The following POC1B variants were observed in gnomAD, a reference collection of about 807,000 sequenced individuals.
The protein encoded by POC1B is POC1 centriolar protein homolog B.
In POC1B, 44 loss-of-function variants were observed where a neutral mutation model predicts 60.6. That is an observed-to-expected ratio of 0.73 (90% CI 0.57 to 0.93). The LOEUF (loss-of-function observed/expected upper bound fraction) is 0.93, where lower values mean the gene tolerates loss of function less well. POC1B is among the 40% of genes least tolerant of loss of function. POC1B has a pLI of 0.00. For synonymous variants in POC1B, 180 were observed against 198.9 expected (o/e 0.90, Z 0.80); for missense variants, 555 against 572.3 (o/e 0.97, Z 0.31).
At chr12:89,486,406 C>T (rs894757598) in intron 4 of POC1B, among the ~76,000 whole-genome samples, 12 of 152,040 alleles carry the variant, frequency 7.9e-5, no homozygotes, top group Admixed American at 2.0e-4. Flanking sequence ...GGGGGCGTCC[C>T]AGCATGGAAA....
chr12:89,523,732 G>C, intron 2 of POC1B: 1 of 1,547,962 alleles, frequency 6.5e-7, no homozygotes, highest in Non-Finnish European at 8.7e-7. Context: ...ACCAATCATG[G>C]GCTCCCCTAT....
chr12:89,491,624 C>CAA (rs1277603995), intron 4 of POC1B, among the ~76,000 whole-genome samples: 2 of 54,462 alleles, frequency 3.7e-5, no homozygotes, highest in South Asian at 6.2e-4. Flanking sequence ...GACCGTGTCT[C>CAA]AAAAAAAAAA....
At chr12:89,431,819 T>G (rs1208673494) in intron 10 of POC1B, among the ~76,000 whole-genome samples, 1 of 152,234 alleles carries the variant, frequency 6.6e-6, no homozygotes, top group Admixed American at 6.5e-5. Context: ...CTTATAGTTT[T>G]GGAGATTGCA....
intron 3 of POC1B, among the ~76,000 whole-genome samples, chr12:89,492,438 A>T (rs1869032414): frequency 6.6e-6 from 1 of 152,204 alleles, no homozygotes; most frequent in African/African-American, 2.4e-5. Context: ...TTACAAGGTG[A>T]TATGTGATAA....
the POC1B span, among the ~76,000 whole-genome samples, chr12:89,409,947 T>A: frequency 6.6e-6 from 1 of 152,192 alleles, no homozygotes. Context: ...CCTCCCTATC[T>A]CATTTTATGA....
At chr12:89,500,346 C>G (rs1869491239) in intron 2 of POC1B, 1 of 1,508,112 alleles carries the variant, frequency 6.6e-7, no homozygotes, top group South Asian at 1.1e-5. Flanking sequence ...CATCCAAAGT[C>G]AGTTCCACTT....
chr12:89,463,134 G>A (rs1386037923), intron 9 of POC1B, among the ~76,000 whole-genome samples: 1 of 152,014 alleles, frequency 6.6e-6, no homozygotes, highest in Non-Finnish European at 1.5e-5. Context: ...ATTTGGTTAA[G>A]GTAAAGGACA....
At chr12:89,508,197 T>C (rs1295678547) in intron 2 of POC1B, among the ~76,000 whole-genome samples, 1 of 152,270 alleles carries the variant, frequency 6.6e-6, no homozygotes, top group Non-Finnish European at 1.5e-5. Flanking sequence ...TTTGCCTCTC[T>C]ATCTTGCTTC....
chr12:89,452,030 GC>G (rs1284408262), intron 10 of POC1B, among the ~76,000 whole-genome samples: 1 of 152,180 alleles, frequency 6.6e-6, no homozygotes, highest in East Asian at 1.9e-4. Flanking sequence ...TGTGTGAAAA[GC>G]TCACTGCTGT....
In POC1B at chr12:89,471,801, CTT is replaced by C. The variant is rs1219347317; in HGVS notation, c.561-74_561-73del. On this transcript the variant is annotated intron_variant, in intron 5 of 11. Transcript: ENST00000313546. Reference sequence around the variant, plus strand: ...TTTTTTTTTGAGACGGAATCTCACTCTTGTCACCCAGGCTGGAGTGCAGTGGC... The same window carrying C: ...TTTTTTTTTGAGACGGAATCTCACTCGTCACCCAGGCTGGAGTGCAGTGGC... The C allele has an allele frequency of 4.9e-5, 46 of 935,658 alleles. No homozygotes were observed. The South Asian group carries it at 6.5e-4, about 13-fold the overall frequency. The allele number at this position is 935,658 out of a possible 1,614,324, so 58.0% of individuals were successfully genotyped here.
chr12:89,436,858 G>T (rs527451683), intron 10 of POC1B, among the ~76,000 whole-genome samples: 1 of 152,200 alleles, frequency 6.6e-6, no homozygotes, highest in Non-Finnish European at 1.5e-5. Flanking sequence ...GCAGTTTACG[G>T]GTCACCCTGT....
intron 4 of POC1B, among the ~76,000 whole-genome samples, chr12:89,476,755 T>C (rs78507940): frequency 1.5e-3 from 103 of 68,050 alleles, no homozygotes; most frequent in South Asian, 3.0e-3. Context: ...GATAGATAGA[T>C]AGATAGACAG....
intron 10 of POC1B, among the ~76,000 whole-genome samples, chr12:89,443,202 A>C (rs891720423): frequency 6.6e-6 from 1 of 152,222 alleles, no homozygotes; most frequent in Non-Finnish European, 1.5e-5. Flanking sequence ...AACAAGACAG[A>C]AAGTTAACAA....
intron 2 of POC1B, among the ~76,000 whole-genome samples, chr12:89,511,568 T>C (rs868152916): frequency 6.6e-6 from 1 of 152,312 alleles, no homozygotes. Context: ...AGCTTTCTAG[T>C]TTTACCTGGT....
chr12:89,511,341 G>A (rs563727074), intron 2 of POC1B, among the ~76,000 whole-genome samples: 8 of 151,336 alleles, frequency 5.3e-5, no homozygotes, highest in Admixed American at 3.9e-4. Flanking sequence ...GCTTGACTCC[G>A]GGAGGCAGAA....
rs60679774 is a variant in POC1B, at chr12:89,514,402, C to CTTTTTTTTTTTTTTTTTTTT, written c.100+10698_100+10717dup. 2.8e-4 allele frequency among the ~76,000 whole-genome samples: 19 copies of CTTTTTTTTTTTTTTTTTTTT among 67,092 alleles called. 2 individuals are homozygous for CTTTTTTTTTTTTTTTTTTTT. Among genetic ancestry groups the CTTTTTTTTTTTTTTTTTTTT allele is most frequent in the South Asian group, 7.0e-4 (1 of 1,438 alleles). 44.0% of individuals were successfully genotyped at this position (67,092 alleles called of 152,430 possible). On this transcript the variant is annotated intron_variant, in intron 2 of 11. Transcript: ENST00000313546. ...ATAAGTTACTCAGTTTCATGTATTT[C>CTTTTTTTTTTTTTTTTTTTT]TTTTTTTTTTTTTTTTTTTTTTTTT...
chr12:89,462,092 A>C (rs1882505206), intron 9 of POC1B, among the ~76,000 whole-genome samples: 1 of 152,176 alleles, frequency 6.6e-6, no homozygotes, highest in Non-Finnish European at 1.5e-5. Context: ...TTGACCTACA[A>C]GTTGGGAAAC....
In POC1B at chr12:89,492,043, C is replaced by A. The variant is rs760896769; in HGVS notation, c.345G>T (p.Gln115His). The A allele has an allele frequency of 1.2e-6, 2 of 1,609,536 alleles. No homozygotes were observed. Among genetic ancestry groups the A allele is most frequent in the East Asian group, 2.2e-5 (1 of 44,772 alleles). ...TGTCTTCAGAAGCTGTAGCTAGAAA[C>A]TGGCCATCAGCTGAAAAGTCTACAC... The part of the protein sequence containing the change: ...VRSVDFSADG[Q>H]FLATASEDKS... Residue 115 changes from glutamine (Q) to histidine (H), a missense_variant, in exon 4 of 12, where the codon CAG becomes CAT. Transcript: ENST00000313546.
intron 10 of POC1B, among the ~76,000 whole-genome samples, chr12:89,433,129 C>T (rs140116364): frequency 2.0e-5 from 3 of 151,948 alleles, no homozygotes; most frequent in Non-Finnish European, 4.4e-5. Flanking sequence ...CAGAAGAATG[C>T]AAAGTGAAGA....
Sources: allele counts gnomAD v4.1 joint callset (sites outside exome capture counted in the v4.1 genomes callset), GRCh38; gene constraint gnomAD v4.1.1; transcripts MANE v1.5; gene names NCBI Gene and HGNC (gene_info 2026-07-23, HGNC 2026-07-21).